RTN4R: variants seen among roughly 807,000 people sequenced by gnomAD.
RTN4R encodes reticulon 4 receptor, also known as reticulon-4 receptor.
In RTN4R, 4 loss-of-function variants were observed where a neutral mutation model predicts 27.7. The ratio of observed to expected loss-of-function variants is 0.14; its 90% CI spans 0.07 to 0.33. The LOEUF is 0.33. RTN4R is among the 10% of genes least tolerant of loss of function. The probability of loss-of-function intolerance (pLI) is 1.00; values close to 1 mark genes in which losing one functional copy is unlikely to be tolerated. For missense variants in RTN4R, 554 were observed against 671.5 expected, an observed-to-expected ratio of 0.83 and a Z score of 1.93; for synonymous variants, 290 against 305.6, an observed-to-expected ratio of 0.95 and a Z score of 0.53.
At chr22:20,243,175 C>T in intron 1 of RTN4R, 65 bp from the exon 2 acceptor site, 2 of 1,531,056 alleles carry the variant, frequency 1.3e-6, no homozygotes, top group Non-Finnish European at 1.8e-6. Context: ...GGAGGTTTTG[C>T]TAGAGCCAGG....
chr22:20,241,589 T>A lies in RTN4R; in HGVS notation c.*122A>T. The A allele has an allele frequency of 2.8e-6, 3 of 1,081,670 alleles. No individual in the cohort carries two copies. Among genetic ancestry groups the A allele is most frequent in the Middle Eastern group, 3.0e-4 (1 of 3,358 alleles). 67.0% of individuals were successfully genotyped at this position (1,081,670 alleles called of 1,614,324 possible). On this transcript the variant is annotated 3_prime_UTR_variant, in exon 2 of 2. Transcript: ENST00000043402. ...GGGGGTGGCGGGCGGCAGGCGTCCA[T>A]CAGGGAGGACCTGGCCTGGCCTGCC...
At position 20,242,353 on chromosome 22, in the gene RTN4R, G is replaced by A. The variant is rs945212747; in HGVS notation, c.780C>T (p.Asn260=). The change falls in exon 2 of 2, where the codon AAC becomes AAT. Residue 260 remains asparagine (N), a synonymous_variant. Coordinates refer to ENST00000043402, the MANE Select transcript of RTN4R (RefSeq NM_023004.6). ...GTGCCCGGCAGTCACACACCCAGGG[G>A]TTGTCGTTGAGCCTCAGGTACTGCA... ...RALQYLRLND[N]PWVCDCRARP... The A allele has an allele frequency of 6.2e-6, 10 of 1,612,564 alleles. No individual in the cohort carries two copies. The Admixed American group carries it at 1.0e-4, about 16-fold the overall frequency.
chr22:20,254,758 G>A lies in RTN4R; in HGVS notation c.23-11648C>T, dbSNP rs144098089. Among the ~76,000 whole-genome samples, 3 of 152,188 alleles carry A rather than the reference G, an allele frequency of 2.0e-5. No individual in the cohort carries two copies. The East Asian group carries it at 5.8e-4, about 29-fold the overall frequency. On this transcript the variant is annotated intron_variant, in intron 1 of 1. Coordinates refer to ENST00000043402, the MANE Select transcript of RTN4R (RefSeq NM_023004.6). ...GGTAAAGGGAAGTTATGGGGCAGCA[G>A]GACAAGTGCTTGGGGTGAATCTTTA...
chr22:20,243,013 C>A lies in RTN4R; in HGVS notation c.120G>T (p.Thr40=). 1 of 1,607,748 alleles carries A rather than the reference C, an allele frequency of 6.2e-7. No individual in the cohort carries two copies. Among genetic ancestry groups the A allele is most frequent in the Non-Finnish European group, 8.5e-7 (1 of 1,179,900 alleles). The change falls in exon 2 of 2, where the codon ACG becomes ACT. Residue 40 remains threonine (T), a synonymous_variant. Coordinates refer to ENST00000043402, the MANE Select transcript of RTN4R (RefSeq NM_023004.6). Reference sequence around the variant, plus strand: ...GCAGGCCCTGCTGGGGGCAGCTTGTCGTCACCTTGGGCTCATTGTAGCATA... The same window carrying A: ...GCAGGCCCTGCTGGGGGCAGCTTGTAGTCACCTTGGGCTCATTGTAGCATA... The part of the protein sequence containing the change: ...ACVCYNEPKV[T]TSCPQQGLQA...
chr22:20,241,424 G>C lies in RTN4R; in HGVS notation c.*287C>G, dbSNP rs560545268. The C allele has an allele frequency of 1.4e-5, 7 of 494,702 alleles. No individual in the cohort carries two copies. In the East Asian group the frequency reaches 2.6e-4, roughly 18 times the overall value. 30.6% of individuals were successfully genotyped at this position (494,702 alleles called of 1,614,324 possible). On this transcript the variant is annotated 3_prime_UTR_variant, in exon 2 of 2. Coordinates refer to ENST00000043402, the MANE Select transcript of RTN4R (RefSeq NM_023004.6). ...CCTGAGAGGCCACAGCTTAAGAAAA[G>C]AGCTCTTTATTCCACGTCGTCCGAT...
intron 1 of RTN4R, among the ~76,000 whole-genome samples, chr22:20,258,126 G>A (rs992748062): frequency 2.6e-5 from 4 of 152,208 alleles, no homozygotes; most frequent in African/African-American, 9.7e-5. Context: ...CCAGCTCCAA[G>A]GCCAAGTTGC....
In RTN4R at chr22:20,255,125, G is replaced by A. The variant is rs117877353; in HGVS notation, c.23-12015C>T. On this transcript the variant is annotated intron_variant, in intron 1 of 1. Coordinates refer to ENST00000043402, the MANE Select transcript of RTN4R (RefSeq NM_023004.6). This position sits in a 1 kb window ranked among gnomAD's most constrained non-coding sequence, Gnocchi z 4.8. ...CAGTGGCTGCCTCCCAGGAGGACGC[G>A]GGGCAGGGGCAGATTGAGCCCATTC... Among the ~76,000 whole-genome samples, 514 of 152,344 alleles carry A rather than the reference G, an allele frequency of 3.4e-3. 7 individuals are homozygous for A. In the East Asian group the frequency reaches 0.062, roughly 18 times the overall value.
At chr22:20,250,532 C>T (rs1033573404) in intron 1 of RTN4R, among the ~76,000 whole-genome samples, 5 of 152,180 alleles carry the variant, frequency 3.3e-5, no homozygotes, top group Admixed American at 6.5e-5. Context: ...AACCAAGGGT[C>T]AGAGAAGACC....
At chr22:20,246,368 AG>A (rs2051140973) in intron 1 of RTN4R, among the ~76,000 whole-genome samples, 1 of 152,212 alleles carries the variant, frequency 6.6e-6, no homozygotes, top group South Asian at 2.1e-4. Context: ...AGCAACAGGC[AG>A]CCCAGGTGGG....
chr22:20,268,134 TC>T lies in RTN4R; in HGVS notation c.-43del. ...GGCGCGTCGGGGACTGAAAGTCGTTTCGGGGCGGGCGCCCGTCTCCCCGCGG... is the reference window on the plus strand; with the variant it reads ...GGCGCGTCGGGGACTGAAAGTCGTTTGGGGCGGGCGCCCGTCTCCCCGCGG... On this transcript the variant is annotated 5_prime_UTR_variant, in exon 1 of 2. Coordinates refer to ENST00000043402, the MANE Select transcript of RTN4R (RefSeq NM_023004.6). 1 of 1,075,924 alleles carries T rather than the reference TC, an allele frequency of 9.3e-7. No individual in the cohort carries two copies. Among genetic ancestry groups the T allele is most frequent in the Non-Finnish European group, 1.1e-6 (1 of 884,690 alleles). 66.6% of individuals were successfully genotyped at this position (1,075,924 alleles called of 1,614,324 possible).
In RTN4R at chr22:20,242,024, G is replaced by A. The variant is rs745931327; in HGVS notation, c.1109C>T (p.Pro370Leu). The A allele has an allele frequency of 3.8e-5, 61 of 1,611,678 alleles. No individual in the cohort carries two copies. In the Middle Eastern group the frequency reaches 8.2e-4, roughly 22 times the overall value. ...KGRVPPGDSP[P>L]GNGSGPRHIN... ...GTGCCGTGGGCCAGAGCCGTTGCCC[G>A]GCGGGCTGTCACCGGGCGGCACGCG... The change falls in exon 2 of 2, where the codon CCG (proline) becomes CTG (leucine). Residue 370 changes from proline to leucine, a missense_variant. Transcript: ENST00000043402.
chr22:20,251,891 C>CCATCACTATCATCAT (rs2051182890), intron 1 of RTN4R, among the ~76,000 whole-genome samples: 39 of 588 alleles, frequency 0.066, no homozygotes, highest in East Asian at 0.1. Context: ...ATCACTATCA[C>CCATCACTATCATCAT]CACCATCATC....
At chr22:20,264,802 G>A (rs573219904) in intron 1 of RTN4R, among the ~76,000 whole-genome samples, 1 of 152,342 alleles carries the variant, frequency 6.6e-6, no homozygotes, top group African/African-American at 2.4e-5. Flanking sequence ...GGTGGCTGCA[G>A]AGGGTCAGGC....
intron 1 of RTN4R, among the ~76,000 whole-genome samples, chr22:20,258,784 C>A (rs1156281941): frequency 6.6e-6 from 1 of 152,192 alleles, no homozygotes; most frequent in Non-Finnish European, 1.5e-5. Flanking sequence ...ATCCTGAGTA[C>A]CCTGCCTCCT....
rs1569032736 is a variant in RTN4R, at chr22:20,241,490, C to T, written c.*221G>A. 10 of 593,376 alleles carry T rather than the reference C, an allele frequency of 1.7e-5. No individual in the cohort carries two copies. The highest frequency in any genetic ancestry group is 6.1e-5 in the South Asian group (3 of 49,564). The allele number at this position is 593,376 out of a possible 1,614,324, so 36.8% of individuals were successfully genotyped here. A position where few individuals can be genotyped will look rare whatever the true frequency, so the allele number is the denominator to read the frequency against. On this transcript the variant is annotated 3_prime_UTR_variant, in exon 2 of 2. Transcript: ENST00000043402. ...AAATAAAATGCATATCTCTATATAC[C>T]GCGATCTGGGTGGGAGGCGGCGTTC... is the stretch of plus-strand genomic sequence containing the variant.
intron 1 of RTN4R, among the ~76,000 whole-genome samples, chr22:20,262,955 G>A (rs2051256380): frequency 1.3e-5 from 2 of 152,238 alleles, no homozygotes; most frequent in Admixed American, 1.3e-4. Context: ...AGGCTCCCAG[G>A]AGGAGGTGAG....
At chr22:20,252,484 T>C (rs2051189972) in intron 1 of RTN4R, among the ~76,000 whole-genome samples, 1 of 152,012 alleles carries the variant, frequency 6.6e-6, no homozygotes, top group African/African-American at 2.4e-5. Context: ...GGTGAGGGGG[T>C]GACTGCCAAC....
rs2051290243 is a variant in RTN4R at position 20,268,096 on chromosome 22, A to T, written c.-4T>A. ...CTCCAGCGGACGCCCTCTTCATCGT[A>T]GGGGTTGGGCGGGGCGCGTCGGGGA... On this transcript the variant is annotated 5_prime_UTR_variant, in exon 1 of 2. Transcript: ENST00000043402. 1.8e-6 allele frequency: 2 copies of T among 1,134,224 alleles called. No homozygotes were observed. Among genetic ancestry groups the T allele is most frequent in the South Asian group, 6.3e-5 (2 of 31,786 alleles). The allele number at this position is 1,134,224 out of a possible 1,614,324, so 70.3% of individuals were successfully genotyped here.
chr22:20,241,856 C>T lies in RTN4R; in HGVS notation c.1277G>A (p.Arg426His), dbSNP rs769256443. 1.1e-5 allele frequency: 18 copies of T among 1,609,170 alleles called. No homozygotes were observed. The highest frequency in any genetic ancestry group is 2.2e-5 in the East Asian group (1 of 44,788). The part of the protein sequence containing the change: ...RPGCSRKNRT[R>H]SHCRLGQAGS... ...TGCCTGGCCCAGACGGCAGTGGCTG[C>T]GGGTGCGGTTCTTGCGTGAACAGCC... Residue 426 changes from arginine to histidine, a missense_variant, in exon 2 of 2, where the codon CGC (arginine) becomes CAC (histidine). Coordinates refer to ENST00000043402, the MANE Select transcript of RTN4R (RefSeq NM_023004.6).
Sources: allele counts gnomAD v4.1 joint callset (sites outside exome capture counted in the v4.1 genomes callset), GRCh38; gene constraint gnomAD v4.1.1; non-coding constraint Gnocchi (gnomAD v3.1); transcripts MANE v1.5; gene names NCBI Gene and HGNC (gene_info 2026-07-23, HGNC 2026-07-21).